The following MMP26 variants were observed in gnomAD, a reference collection of about 807,000 sequenced individuals.
MMP26 encodes matrix metalloproteinase-26.
Under a neutral mutation model 31.0 loss-of-function variants are expected in MMP26, and 33 were observed. The ratio of observed to expected loss-of-function variants is 1.06; its 90% CI spans 0.81 to 1.42. MMP26 has a LOEUF of 1.42. MMP26 is among the 40% of genes most tolerant of loss of function. MMP26 has a pLI of 0.00. For missense variants in MMP26, 347 were observed against 316.1 expected (o/e 1.10, Z -0.74); for synonymous variants, 122 against 114.9 (o/e 1.06, Z -0.40).
chr11:4,831,159 A>G lies in MMP26; in HGVS notation c.-145+63818A>G, dbSNP rs530137930. 8.5e-5 allele frequency among the ~76,000 whole-genome samples: 13 copies of G among 152,192 alleles called. No individual in the cohort carries two copies. The South Asian group carries it at 2.7e-3, about 32-fold the overall frequency. On this transcript the variant is annotated intron_variant, in intron 2 of 7. Transcript: ENST00000380390. ...CCACTTTCTAGTTTCTTCTAGCTGA[A>G]TGCAATCTCCTCTTTATCTACACTT...
intron 2 of MMP26, among the ~76,000 whole-genome samples, chr11:4,806,798 A>G (rs1000369379): frequency 6.6e-6 from 1 of 152,192 alleles, no homozygotes; most frequent in African/African-American, 2.4e-5. Flanking sequence ...AGAGTATGGT[A>G]AAAATTCAAA....
At chr11:4,709,640 C>T (rs115516498) in intron 1 of MMP26, 3 of 457,148 alleles carry the variant, frequency 6.6e-6, no homozygotes, top group African/African-American at 4.0e-5. Flanking sequence ...GCCTTGAAAC[C>T]CGTCAGATCT....
chr11:4,887,526 G>A (rs1330307384), intron 2 of MMP26, among the ~76,000 whole-genome samples: 1 of 152,024 alleles, frequency 6.6e-6, no homozygotes. Context: ...CCATTTTCTT[G>A]AACAGAACAT....
At chr11:4,936,917 G>C (rs2133596700) in intron 2 of MMP26, among the ~76,000 whole-genome samples, 1 of 152,220 alleles carries the variant, frequency 6.6e-6, no homozygotes, top group Non-Finnish European at 1.5e-5. Context: ...TTTTAAGTCT[G>C]TGCAAGGTGA....
chr11:4,967,462 A>T (rs951697332), intron 2 of MMP26, among the ~76,000 whole-genome samples: 1 of 152,212 alleles, frequency 6.6e-6, no homozygotes, highest in Non-Finnish European at 1.5e-5. Context: ...CCAAGAACTT[A>T]CCACCAAAGT....
chr11:4,823,501 G>A (rs1015658712), intron 2 of MMP26, among the ~76,000 whole-genome samples: 2 of 152,088 alleles, frequency 1.3e-5, no homozygotes, highest in African/African-American at 4.8e-5. Flanking sequence ...TTGTGCCACT[G>A]CACACAATTT....
At chr11:4,963,079 A>G (rs1846543366) in intron 2 of MMP26, among the ~76,000 whole-genome samples, 1 of 152,196 alleles carries the variant, frequency 6.6e-6, no homozygotes, top group South Asian at 2.1e-4. Flanking sequence ...TTAAATTCCT[A>G]TCTACCAATA....
At chr11:4,783,683 C>T (rs1244729017) in intron 2 of MMP26, among the ~76,000 whole-genome samples, 2 of 152,132 alleles carry the variant, frequency 1.3e-5, no homozygotes, top group Non-Finnish European at 2.9e-5. Context: ...CATCTTGTAT[C>T]TCCCATAATT....
intron 1 of MMP26, chr11:4,756,650 A>G (rs955574397): frequency 1.3e-5 from 2 of 152,192 alleles, no homozygotes; most frequent in African/African-American, 4.8e-5. Flanking sequence ...TGGAGATTGC[A>G]CGTTGTTGGA....
intron 2 of MMP26, chr11:4,908,106 C>T: frequency 6.2e-7 from 1 of 1,614,074 alleles, no homozygotes; most frequent in African/African-American, 1.3e-5. Flanking sequence ...CACATCTGTG[C>T]TGTGCTCACC....
intron 2 of MMP26, among the ~76,000 whole-genome samples, chr11:4,922,096 G>T (rs557879984): frequency 6.6e-5 from 10 of 152,152 alleles, no homozygotes; most frequent in African/African-American, 9.6e-5. Context: ...GGGAGAACAT[G>T]CAGTATTTGA....
intron 2 of MMP26, among the ~76,000 whole-genome samples, chr11:4,788,758 C>T (rs1848981687): frequency 6.6e-6 from 1 of 152,030 alleles, no homozygotes; most frequent in Admixed American, 6.6e-5. Context: ...AGGGTATTTC[C>T]TCAGTATTCT....
intron 2 of MMP26, among the ~76,000 whole-genome samples, chr11:4,858,045 T>G (rs955691664): frequency 6.6e-6 from 1 of 152,064 alleles, no homozygotes; most frequent in Non-Finnish European, 1.5e-5. Flanking sequence ...CTCAAAACTC[T>G]CAATAAACTA....
At chr11:4,866,856 G>A (rs1410940287) in intron 2 of MMP26, among the ~76,000 whole-genome samples, 1 of 152,118 alleles carries the variant, frequency 6.6e-6, no homozygotes, top group Non-Finnish European at 1.5e-5. Flanking sequence ...TTTAATAAAT[G>A]GTGCTGGGGG....
At chr11:4,881,943 T>A in intron 2 of MMP26, 1 of 1,613,888 alleles carries the variant, frequency 6.2e-7, no homozygotes, top group Non-Finnish European at 8.5e-7. Context: ...TCAAACTTCC[T>A]CCTCACTGCA....
At chr11:4,817,976 G>T (rs1280446309) in intron 2 of MMP26, among the ~76,000 whole-genome samples, 2 of 152,178 alleles carry the variant, frequency 1.3e-5, no homozygotes, top group Admixed American at 1.3e-4. Flanking sequence ...GACTGTTGAG[G>T]TCTAAACTGG....
At chr11:4,886,227 T>G (rs1424789078) in intron 2 of MMP26, among the ~76,000 whole-genome samples, 1 of 152,168 alleles carries the variant, frequency 6.6e-6, no homozygotes, top group African/African-American at 2.4e-5. Flanking sequence ...GCAAAATAAC[T>G]GTTGGTCTCC....
intron 2 of MMP26, chr11:4,881,959 T>C (rs760733931): frequency 1.2e-6 from 2 of 1,613,892 alleles, no homozygotes; most frequent in South Asian, 2.2e-5. Flanking sequence ...CTGCATTCCC[T>C]GGGCTGGAAT....
intron 2 of MMP26, chr11:4,848,508 C>T: frequency 6.2e-7 from 1 of 1,613,456 alleles, no homozygotes; most frequent in Non-Finnish European, 8.5e-7. Context: ...GGACTCCACA[C>T]CTTGCAACAC....
Sources: allele counts gnomAD v4.1 joint callset (sites outside exome capture counted in the v4.1 genomes callset), GRCh38; gene constraint gnomAD v4.1.1; transcripts MANE v1.5; gene names NCBI Gene and HGNC (gene_info 2026-07-23, HGNC 2026-07-21).